FAF1: variants seen among roughly 807,000 people sequenced by gnomAD.
FAF1 encodes the protein Fas associated factor 1.
FAF1 carries 25 observed loss-of-function variants against 92.5 expected under a neutral mutation model. The ratio of observed to expected loss-of-function variants is 0.27; its 90% CI spans 0.20 to 0.38. FAF1 has a LOEUF of 0.38. Among genes scored for constraint, FAF1 ranks in the 10% least tolerant of loss-of-function variants. FAF1 has a pLI of 1.00. For missense variants in FAF1, 636 were observed against 793.3 expected (o/e 0.80, Z 2.38); for synonymous variants, 234 against 273.2 (o/e 0.86, Z 1.42).
intron 2 of FAF1, among the ~76,000 whole-genome samples, chr1:50,816,505 T>C (rs979065075): frequency 2.0e-5 from 3 of 152,144 alleles, no homozygotes; most frequent in Non-Finnish European, 4.4e-5. Context: ...CGCCTGGCTT[T>C]TGCCCACTTT....
intron 7 of FAF1, among the ~76,000 whole-genome samples, chr1:50,698,144 C>T (rs1440237108): frequency 1.3e-5 from 2 of 151,740 alleles, no homozygotes; most frequent in Non-Finnish European, 2.9e-5. Flanking sequence ...GGTTTAATTT[C>T]TTGTGTGTGT....
At chr1:50,581,642 T>G (rs1650990066) in intron 12 of FAF1, among the ~76,000 whole-genome samples, 1 of 152,158 alleles carries the variant, frequency 6.6e-6, no homozygotes, top group Admixed American at 6.5e-5. Context: ...CAGAGGGTTT[T>G]TCACTGGGAA....
chr1:50,866,840 C>G (rs1404183272), intron 1 of FAF1, among the ~76,000 whole-genome samples: 1 of 151,936 alleles, frequency 6.6e-6, no homozygotes, highest in African/African-American at 2.4e-5. Context: ...GAAAACAATC[C>G]TAAAATTCAT....
intron 4 of FAF1, among the ~76,000 whole-genome samples, chr1:50,749,299 G>A (rs1294664713): frequency 6.6e-6 from 1 of 152,082 alleles, no homozygotes. Context: ...TTACACTCTT[G>A]AAAACACTCT....
intron 15 of FAF1, among the ~76,000 whole-genome samples, chr1:50,500,750 T>C (rs1646974007): frequency 6.6e-6 from 1 of 152,066 alleles, no homozygotes; most frequent in Non-Finnish European, 1.5e-5. Flanking sequence ...ACCCCATAAA[T>C]ATGTACAACT....
intron 18 of FAF1, among the ~76,000 whole-genome samples, chr1:50,473,505 A>T (rs1019483216): frequency 1.3e-5 from 2 of 152,184 alleles, no homozygotes; most frequent in Non-Finnish European, 2.9e-5. Context: ...ACAGAACATA[A>T]AGTATGAGAA....
intron 13 of FAF1, among the ~76,000 whole-genome samples, chr1:50,561,039 C>A (rs961918793): frequency 6.6e-6 from 1 of 152,152 alleles, no homozygotes; most frequent in Non-Finnish European, 1.5e-5. Flanking sequence ...TCTCTTCCAC[C>A]GTGTAGCCAC....
chr1:50,459,991 A>G (rs1469357665), intron 18 of FAF1, among the ~76,000 whole-genome samples: 2 of 152,236 alleles, frequency 1.3e-5, no homozygotes, highest in Non-Finnish European at 2.9e-5. Context: ...ATAGTAGTAA[A>G]GAATTCTGTG....
rs761232573 is a variant in FAF1, at chr1:50,705,817, A to T, written c.626T>A (p.Leu209Gln). The change falls in exon 7 of 19, where the codon CTG becomes CAG. Residue 209 changes from leucine to glutamine, a missense_variant. Physicochemically the swap from Leu to Gln is moderately radical, Grantham distance 113. Around this residue, in one of 2 missense-constraint regions of FAF1, gnomAD observed 317 missense variants for 342.4 expected, o/e 0.93. Coordinates refer to ENST00000396153, the MANE Select transcript of FAF1 (RefSeq NM_007051.3). ...AATAGTACTGCTTCCTGAGAAGTTC[A>T]GGTTGTACTCCCGCTGGACTTCTCG... is the stretch of plus-strand genomic sequence containing the variant. The part of the protein sequence containing the change: ...THREVQREYN[L>Q]NFSGSSTIQE... The T allele has an allele frequency of 6.2e-7, 1 of 1,610,660 alleles. No homozygotes were observed. Among genetic ancestry groups the T allele is most frequent in the East Asian group, 2.2e-5 (1 of 44,834 alleles).
chr1:50,898,735 T>C (rs1462975120), intron 1 of FAF1, among the ~76,000 whole-genome samples: 1 of 152,204 alleles, frequency 6.6e-6, no homozygotes, highest in African/African-American at 2.4e-5. Flanking sequence ...TCTGTCAGTC[T>C]TATCTTTGTT....
intron 4 of FAF1, among the ~76,000 whole-genome samples, chr1:50,758,920 G>A (rs1044900279): frequency 2.6e-5 from 4 of 151,992 alleles, no homozygotes; most frequent in Non-Finnish European, 5.9e-5. Context: ...TCGGCTCTCT[G>A]CAAGCTCTGC....
rs1234589243 is a variant in FAF1, at chr1:50,437,745, G to C, written c.*3695C>G. 1 of 151,934 alleles carries C rather than the reference G, an allele frequency of 6.6e-6. No homozygotes were observed. Among genetic ancestry groups the C allele is most frequent in the East Asian group, 1.9e-4 (1 of 5,168 alleles). 9.4% of individuals were successfully genotyped at this position (151,934 alleles called of 1,614,324 possible). ...ATATAAAATTTAGAGATTCTTGGCCGGGCGCCGTGGCTCACGCCTGTAACC... is the reference window on the plus strand; with the variant it reads ...ATATAAAATTTAGAGATTCTTGGCCCGGCGCCGTGGCTCACGCCTGTAACC... On this transcript the variant is annotated 3_prime_UTR_variant, in exon 19 of 19. Coordinates refer to ENST00000396153, the MANE Select transcript of FAF1 (RefSeq NM_007051.3).
chr1:50,667,444 C>T (rs1569718923), intron 7 of FAF1, among the ~76,000 whole-genome samples: 1 of 152,196 alleles, frequency 6.6e-6, no homozygotes, highest in African/African-American at 2.4e-5. Context: ...TTGCCAACTC[C>T]TCTTCTATGC....
At chr1:50,905,628 G>A (rs1421169266) in intron 1 of FAF1, among the ~76,000 whole-genome samples, 3 of 152,118 alleles carry the variant, frequency 2.0e-5, no homozygotes, top group African/African-American at 7.2e-5. Context: ...TTCTCTGATG[G>A]CCAGTGATGA....
chr1:50,574,901 T>G (rs1269738679), intron 12 of FAF1, among the ~76,000 whole-genome samples: 15 of 120,568 alleles, frequency 1.2e-4, no homozygotes, highest in African/African-American at 4.7e-4. Context: ...ATTAACTCTT[T>G]TTTTTTTTTT....
chr1:50,476,317 T>C (rs1646639247), intron 17 of FAF1, among the ~76,000 whole-genome samples: 1 of 152,212 alleles, frequency 6.6e-6, no homozygotes, highest in East Asian at 1.9e-4. Context: ...GAACTTCAAA[T>C]ATCAGGTTTA....
chr1:50,592,483 T>A (rs1257608154), intron 9 of FAF1, among the ~76,000 whole-genome samples: 3 of 152,056 alleles, frequency 2.0e-5, no homozygotes, highest in Admixed American at 1.3e-4. Flanking sequence ...GAAAAAATAT[T>A]AAATGATCGT....
At chr1:50,533,206 G>A (rs1038539377) in intron 15 of FAF1, among the ~76,000 whole-genome samples, 2 of 151,648 alleles carry the variant, frequency 1.3e-5, no homozygotes, top group African/African-American at 2.4e-5. Flanking sequence ...CAAGTAGCTG[G>A]GACTACAGGC....
At chr1:50,759,115 T>A (rs980546239) in intron 4 of FAF1, among the ~76,000 whole-genome samples, 3 of 152,098 alleles carry the variant, frequency 2.0e-5, no homozygotes, top group Non-Finnish European at 4.4e-5. Context: ...GTGCTGTGTA[T>A]TTATTATTCT....
Sources: allele counts gnomAD v4.1 joint callset (sites outside exome capture counted in the v4.1 genomes callset), GRCh38; gene constraint gnomAD v4.1.1; regional missense constraint gnomAD v4.1.1; transcripts MANE v1.5; gene names NCBI Gene and HGNC (gene_info 2026-07-23, HGNC 2026-07-21).